VRK2: variants seen among roughly 807,000 people sequenced by gnomAD.
VRK2 encodes serine/threonine-protein kinase VRK2.
Under a neutral mutation model 57.6 loss-of-function variants are expected in VRK2, and 60 were observed. That is an observed-to-expected ratio of 1.04 (90% confidence interval 0.85 to 1.29). VRK2 has a LOEUF of 1.29. VRK2 is among the 50% of genes most tolerant of loss of function. The probability of loss-of-function intolerance (pLI) is 0.00; values close to 1 mark genes in which losing one functional copy is unlikely to be tolerated. For missense variants in VRK2, 705 were observed against 588.1 expected, an observed-to-expected ratio of 1.20 and a Z score of -2.06; for synonymous variants, 231 against 199.2, an observed-to-expected ratio of 1.16 and a Z score of -1.35.
At chr2:58,003,409 T>C (rs1673147455) in intron 1 of VRK2, among the ~76,000 whole-genome samples, 1 of 152,158 alleles carries the variant, frequency 6.6e-6, no homozygotes, top group Non-Finnish European at 1.5e-5. Flanking sequence ...CCGGGAAAAT[T>C]ATTTTATGTT....
chr2:58,065,742 C>T (rs1014737835), intron 2 of VRK2, among the ~76,000 whole-genome samples: 1 of 152,036 alleles, frequency 6.6e-6, no homozygotes, highest in African/African-American at 2.4e-5. Flanking sequence ...ATAAGTACAG[C>T]ATGTGTCCTC....
Position 58,065,807 on chromosome 2 carries a change from A to G in VRK2, c.136+16840A>G, listed in dbSNP as rs552015272. On this transcript the variant is annotated intron_variant, in intron 2 of 12. Coordinates refer to ENST00000340157, the MANE Select transcript of VRK2 (RefSeq NM_006296.7). ...ATCAGCTTTTTGTAGTTATTAGCAT[A>G]CTAGTCCTATACATGTATTGTTGGG... Among the ~76,000 whole-genome samples, 4 of 152,248 alleles carry G rather than the reference A, an allele frequency of 2.6e-5. No homozygotes were observed. In the South Asian group the frequency reaches 6.2e-4, roughly 24 times the overall value.
chr2:58,088,072 A>G (rs1211949804), intron 5 of VRK2, among the ~76,000 whole-genome samples: 1 of 152,226 alleles, frequency 6.6e-6, no homozygotes, highest in South Asian at 2.1e-4. Context: ...ATTCAGTACT[A>G]TCTAATTTAG....
At chr2:58,017,291 C>T (rs958484598) in intron 1 of VRK2, among the ~76,000 whole-genome samples, 4 of 152,132 alleles carry the variant, frequency 2.6e-5, no homozygotes, top group African/African-American at 2.4e-5. Flanking sequence ...TACTATTGCA[C>T]CAGTAAAAGT....
chr2:58,098,774 G>A (rs1324095228), intron 7 of VRK2, among the ~76,000 whole-genome samples: 1 of 151,948 alleles, frequency 6.6e-6, no homozygotes, highest in African/African-American at 2.4e-5. Context: ...ACTATATTAA[G>A]AAACATGTAC....
At chr2:58,001,120 T>C (rs1259991892) in intron 1 of VRK2, among the ~76,000 whole-genome samples, 2 of 152,176 alleles carry the variant, frequency 1.3e-5, no homozygotes, top group Non-Finnish European at 2.9e-5. Context: ...GCAGATGGAA[T>C]AAAAAAAGAA....
intron 1 of VRK2, among the ~76,000 whole-genome samples, chr2:58,014,141 A>G (rs1240233704): frequency 2.0e-5 from 3 of 152,158 alleles, no homozygotes; most frequent in Non-Finnish European, 4.4e-5. Context: ...TCAGTTTTAA[A>G]ATTGATACAT....
chr2:57,934,492 A>T (rs887189813), intron 1 of VRK2, among the ~76,000 whole-genome samples: 1 of 152,162 alleles, frequency 6.6e-6, no homozygotes, highest in Non-Finnish European at 1.5e-5. Context: ...GTTTCTTTGA[A>T]AATTCTCTCT....
chr2:58,123,105 A>G lies in VRK2; in HGVS notation c.548A>G (p.Tyr183Cys). The G allele has an allele frequency of 6.3e-7, 1 of 1,598,772 alleles. No homozygotes were observed. Among genetic ancestry groups the G allele is most frequent in the South Asian group, 1.1e-5 (1 of 87,554 alleles). Residue 183 changes from tyrosine (Y) to cysteine (C), a missense_variant, in exon 8 of 13, where the codon TAT (tyrosine) becomes TGT (cysteine). By Grantham distance (194) the Tyr-to-Cys change is radical. Transcript: ENST00000340157. The stretch of plus-strand genomic sequence containing the variant: ...TTGTCTGTGCTTGTCTTCCAGGTTT[A>G]TCTTGCAGATTATGGACTTTCCTAC... ...LLGYKNPDQV[Y>C]LADYGLSYRY...
rs942060009 is a variant in VRK2, at chr2:58,119,026, C to T, written c.544-4075C>T. On this transcript the variant is annotated intron_variant, in intron 7 of 12. Coordinates refer to ENST00000340157, the MANE Select transcript of VRK2 (RefSeq NM_006296.7). ...TGTCATCAGTTAAGGCGGGGCAGGG[C>T]CTTTTCACTTCTTTTGTGATTCTTC... Among the ~76,000 whole-genome samples, 49 of 152,110 alleles carry T rather than the reference C, an allele frequency of 3.2e-4. No homozygotes were observed. In the South Asian group the frequency reaches 9.5e-3, roughly 30 times the overall value.
intron 1 of VRK2, among the ~76,000 whole-genome samples, chr2:57,909,873 C>G (rs551478126): frequency 2.3e-4 from 35 of 152,180 alleles, no homozygotes; most frequent in African/African-American, 8.2e-4. Context: ...GAACCTCTAT[C>G]CTTTTCTTGC....
intron 1 of VRK2, among the ~76,000 whole-genome samples, chr2:57,983,664 G>C (rs1217271925): frequency 6.6e-6 from 1 of 152,282 alleles, no homozygotes; most frequent in East Asian, 1.9e-4. Flanking sequence ...GTCAATAAGA[G>C]GGAATTAGAG....
At chr2:58,052,197 C>T (rs1487801829) in intron 2 of VRK2, among the ~76,000 whole-genome samples, 2 of 152,102 alleles carry the variant, frequency 1.3e-5, no homozygotes, top group Non-Finnish European at 2.9e-5. Flanking sequence ...TTCTATTCTG[C>T]ATAATTGTGA....
At chr2:57,947,338 G>A (rs1467753807) in intron 1 of VRK2, among the ~76,000 whole-genome samples, 1 of 151,962 alleles carries the variant, frequency 6.6e-6, no homozygotes, top group Admixed American at 6.6e-5. Flanking sequence ...ATATGTTGTT[G>A]GGCACCAAAT....
At chr2:58,097,224 C>T (rs1403806107) in intron 7 of VRK2, among the ~76,000 whole-genome samples, 1 of 151,926 alleles carries the variant, frequency 6.6e-6, no homozygotes, top group Non-Finnish European at 1.5e-5. Flanking sequence ...ACTTTTTGTC[C>T]ACCTAAGCTG....
At chr2:58,019,881 CTT>C (rs1463131267) in intron 1 of VRK2, among the ~76,000 whole-genome samples, 1 of 152,084 alleles carries the variant, frequency 6.6e-6, no homozygotes, top group Admixed American at 6.6e-5. Flanking sequence ...ACAATTCAAA[CTT>C]TTTAGAAGGC....
rs550964323 is a variant in VRK2 at position 58,077,323 on chromosome 2, C to T, written c.137-6766C>T. Among the ~76,000 whole-genome samples, 13 of 152,000 alleles carry T rather than the reference C, an allele frequency of 8.6e-5. No individual in the cohort carries two copies. In the South Asian group the frequency reaches 2.5e-3, roughly 29 times the overall value. On this transcript the variant is annotated intron_variant, in intron 2 of 12. Coordinates refer to ENST00000340157, the MANE Select transcript of VRK2 (RefSeq NM_006296.7). ...TCATGATTTCCTCCACACAAGTCCT[C>T]GGATTCTTAATTTGTTGAATTGATC...
At chr2:58,045,219 A>G (rs1438526806), upstream of VRK2, among the ~76,000 whole-genome samples, 1 of 152,234 alleles carries the variant, frequency 6.6e-6, no homozygotes, top group African/African-American at 2.4e-5. Flanking sequence ...ACAATTACCT[A>G]GAGAAAAAAT....
chr2:57,982,651 A>T (rs1672459871), intron 1 of VRK2, among the ~76,000 whole-genome samples: 2 of 152,176 alleles, frequency 1.3e-5, no homozygotes, highest in Non-Finnish European at 2.9e-5. Context: ...CCCTGCAAGC[A>T]GGTGCAGCAA....
Sources: allele counts gnomAD v4.1 joint callset (sites outside exome capture counted in the v4.1 genomes callset), GRCh38; gene constraint gnomAD v4.1.1; transcripts MANE v1.5; gene names NCBI Gene and HGNC (gene_info 2026-07-23, HGNC 2026-07-21).